Variants in TCP11 observed in about 807,000 individuals in gnomAD.
TCP11 encodes the protein t-complex 11.
TCP11 carries 34 observed loss-of-function variants against 45.0 expected under a neutral mutation model. The observed-to-expected ratio is 0.76, with a 90% confidence interval of 0.57 to 1.01. The LOEUF (loss-of-function observed/expected upper bound fraction) is 1.01, where lower values mean the gene tolerates loss of function less well. Among genes scored for constraint, TCP11 ranks in the 50% least tolerant of loss-of-function variants. The probability of loss-of-function intolerance (pLI) is 0.00; values close to 1 mark genes in which losing one functional copy is unlikely to be tolerated. For missense variants in TCP11, 523 were observed against 598.1 expected (o/e 0.87, Z 1.31); for synonymous variants, 227 against 227.0 (o/e 1.00, Z 0.00).
At chr6:35,139,936 G>T in intron 2 of TCP11, 1 of 1,370,590 alleles carries the variant, frequency 7.3e-7, no homozygotes, top group Non-Finnish European at 1.0e-6. Flanking sequence ...ATTTTACTGA[G>T]AGTTGTTTTA....
intron 4 of TCP11, chr6:35,128,472 A>T (rs910174228): frequency 6.6e-6 from 1 of 152,310 alleles, no homozygotes; most frequent in Non-Finnish European, 1.5e-5. Flanking sequence ...ATATCCCATC[A>T]CTTTTGCCGT....
At chr6:35,121,414 T>A (rs1375059002) in intron 5 of TCP11, among the ~76,000 whole-genome samples, 1 of 151,928 alleles carries the variant, frequency 6.6e-6, no homozygotes, top group Non-Finnish European at 1.5e-5. Flanking sequence ...TTTTTTTTTT[T>A]TTTTTTAAAC....
chr6:35,122,054 G>C, intron 5 of TCP11, 63 bp downstream of exon 5: 1 of 1,522,178 alleles, frequency 6.6e-7, no homozygotes, highest in South Asian at 1.1e-5. Flanking sequence ...ATCTAGGTCT[G>C]GCCCAGCTTT....
chr6:35,121,402 C>CTT (rs34381181), intron 5 of TCP11, among the ~76,000 whole-genome samples: 190 of 136,434 alleles, frequency 1.4e-3, no homozygotes, highest in Non-Finnish European at 1.7e-3. Context: ...GGACCAACTG[C>CTT]TTTTTTTTTT....
At chr6:35,130,463 G>C (rs1315718547) in intron 3 of TCP11, among the ~76,000 whole-genome samples, 1 of 151,976 alleles carries the variant, frequency 6.6e-6, no homozygotes, top group Non-Finnish European at 1.5e-5. Context: ...ATCTGATAAG[G>C]ATATATATCC....
chr6:35,125,078 G>C (rs1236806376), intron 4 of TCP11, among the ~76,000 whole-genome samples: 1 of 151,060 alleles, frequency 6.6e-6, no homozygotes, highest in Non-Finnish European at 1.5e-5. Flanking sequence ...GCTACTACTT[G>C]GGAGGCTGAG....
In TCP11 at chr6:35,121,034, T is replaced by C. The variant is rs371137302; in HGVS notation, c.590A>G (p.Gln197Arg). 6.2e-7 allele frequency: 1 copy of C among 1,609,230 alleles called. No homozygotes were observed. Among genetic ancestry groups the C allele is most frequent in the Non-Finnish European group, 8.5e-7 (1 of 1,177,470 alleles). ...DPVWLLRGIF[Q>R]VLGRMKMDMV... ...GTCCATTTTCATCCGGCCCAGAACCTGGAAGATCCCTCTGACACAGGGGGA... is the reference window on the plus strand; with the variant it reads ...GTCCATTTTCATCCGGCCCAGAACCCGGAAGATCCCTCTGACACAGGGGGA... The change falls in exon 6 of 10, where the codon CAG becomes CGG. Residue 197 changes from glutamine to arginine, a missense_variant. Gln to Arg is a conservative substitution (Grantham distance 43). Around this residue, in one of 2 missense-constraint regions of TCP11, gnomAD observed 298 missense variants for 387.9 expected, o/e 0.77. Transcript: ENST00000311875.
At chr6:35,137,993 G>A in intron 2 of TCP11, 1 of 342,828 alleles carries the variant, frequency 2.9e-6, no homozygotes, top group Non-Finnish European at 5.7e-6. Context: ...GAATGCCCCT[G>A]TTCTTAGATA....
Position 35,120,952 on chromosome 6 carries a change from C to G in TCP11, c.672G>C (p.Gln224His), listed in dbSNP as rs771322225. ...LQPHLQEHSI[Q>H]YERAKFQELL... ...GTTCCTGGAATTTAGCCCGTTCATA[C>G]TGAATGGAATGTTCCTGCAGGTGGG... is the stretch of plus-strand genomic sequence containing the variant. The change falls in exon 6 of 10, where the codon CAG becomes CAC. Residue 224 changes from glutamine (Q) to histidine (H), a missense_variant. Physicochemically the swap from Gln to His is conservative, Grantham distance 24 (BLOSUM62 0). Around this residue, in one of 2 missense-constraint regions of TCP11, gnomAD observed 298 missense variants for 387.9 expected, o/e 0.77. Coordinates refer to ENST00000311875, the MANE Select transcript of TCP11 (RefSeq NM_001370687.1). The surrounding 1 kb of genome is among the most constrained non-coding windows in gnomAD (Gnocchi z 4.9). 1.2e-6 allele frequency: 2 copies of G among 1,613,986 alleles called. No individual in the cohort carries two copies. The highest frequency in any genetic ancestry group is 3.3e-4 in the Middle Eastern group (2 of 6,062).
chr6:35,119,551 T>C (rs1043936430), intron 8 of TCP11, among the ~76,000 whole-genome samples, 160 bp from the exon 9 acceptor site: 24 of 152,314 alleles, frequency 1.6e-4, no homozygotes, highest in African/African-American at 5.3e-4. Context: ...TAGGGCCCAG[T>C]GGGTAGGTAC....
At chr6:35,121,974 G>T in intron 5 of TCP11, 143 bp downstream of exon 5, 1 of 786,758 alleles carries the variant, frequency 1.3e-6, no homozygotes, top group Non-Finnish European at 2.1e-6. Context: ...AGAGTGAATT[G>T]ACCAGAGGGG....
intron 5 of TCP11, among the ~76,000 whole-genome samples, chr6:35,121,535 G>A (rs972860284): frequency 4.0e-5 from 6 of 150,498 alleles, no homozygotes; most frequent in African/African-American, 1.5e-4. Flanking sequence ...CCCGAGGGCT[G>A]GGCAAGGTCG....
In TCP11 at chr6:35,140,285, G is replaced by A. The variant is rs560421664; in HGVS notation, c.124+462C>T. On this transcript the variant is annotated intron_variant, in intron 2 of 9. Coordinates refer to ENST00000311875, the MANE Select transcript of TCP11 (RefSeq NM_001370687.1). Reference sequence around the variant, plus strand: ...TGAGACTGGACCTACCACGAAGCGCGGAGAAGACCTTGTGCCCCAACAAGA... The same window carrying A: ...TGAGACTGGACCTACCACGAAGCGCAGAGAAGACCTTGTGCCCCAACAAGA... 3.8e-6 allele frequency: 5 copies of A among 1,310,350 alleles called. No individual in the cohort carries two copies. The South Asian group carries it at 6.3e-5, about 17-fold the overall frequency. The allele number at this position is 1,310,350 out of a possible 1,614,324, so 81.2% of individuals were successfully genotyped here.
chr6:35,126,650 CTTTTTTT>C (rs56010838), intron 4 of TCP11, among the ~76,000 whole-genome samples: 3 of 66,898 alleles, frequency 4.5e-5, no homozygotes, highest in African/African-American at 1.8e-4. Context: ...GAATCAAAGA[CTTTTTTT>C]TTTTTTTTTT....
rs1178570241 is a variant in TCP11 at position 35,136,245 on chromosome 6, G to A, written c.125-27C>T. ...TGATGGTGGACAACAATGAGCCCATGCAAGTCTGAATTTCTATTTTATTCA... is the reference window on the plus strand; with the variant it reads ...TGATGGTGGACAACAATGAGCCCATACAAGTCTGAATTTCTATTTTATTCA... On this transcript the variant is annotated intron_variant, in intron 2 of 9. Transcript: ENST00000311875. 2.6e-6 allele frequency: 4 copies of A among 1,553,410 alleles called. No homozygotes were observed. In the African/African-American group the frequency reaches 4.1e-5, roughly 16 times the overall value.
rs1426635275 is a variant in TCP11 at position 35,119,300 on chromosome 6, C to A, written c.1207G>T (p.Asp403Tyr). 1 of 1,614,090 alleles carries A rather than the reference C, an allele frequency of 6.2e-7. No individual in the cohort carries two copies. The highest frequency in any genetic ancestry group is 8.5e-7 in the Non-Finnish European group (1 of 1,180,050). The change falls in exon 9 of 10, where the codon GAT (aspartate) becomes TAT (tyrosine). Residue 403 changes from aspartate to tyrosine, a missense_variant. Around this residue, in one of 2 missense-constraint regions of TCP11, gnomAD observed 298 missense variants for 387.9 expected, o/e 0.77. Coordinates refer to ENST00000311875, the MANE Select transcript of TCP11 (RefSeq NM_001370687.1). ...KNMGLVALSSDNTASLMGQLQ... is the reference protein window; with the variant it reads ...KNMGLVALSSYNTASLMGQLQ... ...TGTCCCATTAGAGATGCTGTATTAT[C>A]ACTGCTTAGAGCAACAAGGCCCATA...
chr6:35,122,934 C>A (rs1467816234), intron 4 of TCP11, among the ~76,000 whole-genome samples: 3 of 152,152 alleles, frequency 2.0e-5, no homozygotes, highest in African/African-American at 4.8e-5. Flanking sequence ...CAAATAAAAT[C>A]AAAGTTGCTC....
intron 2 of TCP11, chr6:35,140,340 G>A (rs1005042523): frequency 2.6e-5 from 19 of 730,574 alleles, no homozygotes; most frequent in Non-Finnish European, 3.3e-5. Flanking sequence ...ACAGAACCGA[G>A]CTAGAGACTG....
chr6:35,132,145 C>T (rs1178132236), intron 3 of TCP11, among the ~76,000 whole-genome samples: 2 of 152,214 alleles, frequency 1.3e-5, no homozygotes, highest in African/African-American at 2.4e-5. Context: ...GTATTTTCTT[C>T]TACCTTGTAA....
Sources: allele counts gnomAD v4.1 joint callset (sites outside exome capture counted in the v4.1 genomes callset), GRCh38; gene constraint gnomAD v4.1.1; regional missense constraint gnomAD v4.1.1; non-coding constraint Gnocchi (gnomAD v3.1); transcripts MANE v1.5; gene names NCBI Gene and HGNC (gene_info 2026-07-23, HGNC 2026-07-21).